Variants in LSAMP observed in about 807,000 individuals in gnomAD.
LSAMP encodes the protein limbic system associated membrane protein, also known as limbic system-associated membrane protein.
In LSAMP, 7 loss-of-function variants were observed where a neutral mutation model predicts 38.6. That is an observed-to-expected ratio of 0.18 (90% confidence interval 0.10 to 0.34). The LOEUF (loss-of-function observed/expected upper bound fraction) is 0.34. Ranked by LOEUF, LSAMP falls within the 10% of genes least tolerant of loss-of-function variation. The pLI is 1.00. For synonymous variants in LSAMP, 154 were observed against 166.8 expected (o/e 0.92, Z 0.59); for missense variants, 313 against 420.0 (o/e 0.75, Z 2.23).
At chr3:116,208,943 C>T (rs556162906) in intron 1 of LSAMP, among the ~76,000 whole-genome samples, 55 of 152,310 alleles carry the variant, frequency 3.6e-4, no homozygotes, top group African/African-American at 1.1e-3. Flanking sequence ...TGGAGCTTCC[C>T]GGCTGCTTTG....
chr3:116,066,137 C>T (rs1163407590), intron 2 of LSAMP, among the ~76,000 whole-genome samples: 1 of 152,152 alleles, frequency 6.6e-6, no homozygotes, highest in Non-Finnish European at 1.5e-5. Context: ...TGAGGACCCA[C>T]TTCCTGGTTC....
chr3:116,335,641 T>C (rs1296812998), intron 1 of LSAMP, among the ~76,000 whole-genome samples: 1 of 152,064 alleles, frequency 6.6e-6, no homozygotes, highest in Non-Finnish European at 1.5e-5. Flanking sequence ...CTGATAAATC[T>C]ATCATACGTG....
At chr3:116,061,918 A>G (rs1050137828) in intron 2 of LSAMP, among the ~76,000 whole-genome samples, 1 of 152,138 alleles carries the variant, frequency 6.6e-6, no homozygotes, top group Admixed American at 6.5e-5. Context: ...TCCATAATCT[A>G]TTTTATTTGT....
chr3:116,126,671 G>A (rs749073452), intron 1 of LSAMP, among the ~76,000 whole-genome samples: 2 of 152,134 alleles, frequency 1.3e-5, no homozygotes, highest in Non-Finnish European at 2.9e-5. Flanking sequence ...AGACCAGTCT[G>A]GCCAACATGG....
chr3:116,043,121 A>G (rs1414534487), intron 2 of LSAMP, among the ~76,000 whole-genome samples: 1 of 152,160 alleles, frequency 6.6e-6, no homozygotes. Flanking sequence ...TTTGGATGGA[A>G]TTTACATTCT....
At chr3:116,351,090 A>C (rs956387250) in intron 1 of LSAMP, among the ~76,000 whole-genome samples, 8 of 151,466 alleles carry the variant, frequency 5.3e-5, no homozygotes, top group Non-Finnish European at 1.0e-4. Context: ...TTTTTTTTTC[A>C]GCCCTGAAAG....
intron 4 of LSAMP, among the ~76,000 whole-genome samples, chr3:115,844,778 A>T (rs1184408635): frequency 6.6e-6 from 1 of 152,138 alleles, no homozygotes; most frequent in Non-Finnish European, 1.5e-5. Context: ...GGAGTTTGAG[A>T]CCAGCCTGGC....
intron 3 of LSAMP, among the ~76,000 whole-genome samples, chr3:115,903,419 C>G (rs1936928679): frequency 6.6e-6 from 1 of 152,038 alleles, no homozygotes; most frequent in Non-Finnish European, 1.5e-5. Context: ...ATGAAGTAAT[C>G]TGTACAACAA....
intron 3 of LSAMP, among the ~76,000 whole-genome samples, chr3:115,938,582 T>G (rs1937790224): frequency 6.6e-6 from 1 of 152,300 alleles, no homozygotes; most frequent in African/African-American, 2.4e-5. Context: ...CACTCCGTCT[T>G]TGGTAGAATT....
chr3:116,051,539 C>A (rs1419840603), intron 2 of LSAMP, among the ~76,000 whole-genome samples: 3 of 152,166 alleles, frequency 2.0e-5, no homozygotes, highest in African/African-American at 4.8e-5. Flanking sequence ...CCAGCTCCAA[C>A]AACCCTTACT....
chr3:115,937,942 T>C (rs893133532), intron 3 of LSAMP, among the ~76,000 whole-genome samples: 3 of 152,166 alleles, frequency 2.0e-5, no homozygotes, highest in East Asian at 1.9e-4. Context: ...TAATTTACTA[T>C]TGTGTGGACT....
At chr3:116,019,930 C>A (rs1465072141) in intron 2 of LSAMP, among the ~76,000 whole-genome samples, 1 of 151,918 alleles carries the variant, frequency 6.6e-6, no homozygotes, top group Non-Finnish European at 1.5e-5. Flanking sequence ...CTAGAATGGA[C>A]CTTATTTAGA....
intron 1 of LSAMP, among the ~76,000 whole-genome samples, chr3:116,423,455 A>G (rs893759914): frequency 2.0e-5 from 3 of 152,192 alleles, no homozygotes; most frequent in South Asian, 2.1e-4. Context: ...ACACTGAGGA[A>G]AGCAATGTTA....
intron 3 of LSAMP, among the ~76,000 whole-genome samples, chr3:115,953,277 TCA>T (rs1023421412): frequency 2.2e-4 from 33 of 152,290 alleles, no homozygotes; most frequent in Admixed American, 1.3e-3. Flanking sequence ...AGGCAAATTC[TCA>T]TTTTGAGCCA....
intron 1 of LSAMP, among the ~76,000 whole-genome samples, chr3:116,281,492 G>A (rs1428868064): frequency 6.6e-6 from 1 of 152,196 alleles, no homozygotes; most frequent in African/African-American, 2.4e-5. Flanking sequence ...GCCAGATTCA[G>A]ACGTGGTAGT....
intron 2 of LSAMP, among the ~76,000 whole-genome samples, chr3:116,040,897 A>G (rs901070377): frequency 6.6e-6 from 1 of 151,888 alleles, no homozygotes; most frequent in Non-Finnish European, 1.5e-5. Flanking sequence ...ATGCCTGGCT[A>G]ATTTGTTTTC....
chr3:116,263,695 G>A (rs1385714744), intron 1 of LSAMP, among the ~76,000 whole-genome samples: 1 of 151,466 alleles, frequency 6.6e-6, no homozygotes, highest in African/African-American at 2.4e-5. Flanking sequence ...ATGTTTTTAA[G>A]TACTGATCTA....
chr3:116,207,269 C>A (rs1480167355), intron 1 of LSAMP, among the ~76,000 whole-genome samples: 1 of 152,120 alleles, frequency 6.6e-6, no homozygotes, highest in African/African-American at 2.4e-5. Flanking sequence ...AGATCTTCCT[C>A]CATCCTTTTA....
At chr3:116,376,952 A>G (rs2048501625) in intron 1 of LSAMP, among the ~76,000 whole-genome samples, 1 of 152,116 alleles carries the variant, frequency 6.6e-6, no homozygotes, top group Non-Finnish European at 1.5e-5. Flanking sequence ...GACAATTTCA[A>G]TTAGTTTTTA....
Sources: allele counts gnomAD v4.1 joint callset (sites outside exome capture counted in the v4.1 genomes callset), GRCh38; gene constraint gnomAD v4.1.1; transcripts MANE v1.5; gene names NCBI Gene and HGNC (gene_info 2026-07-23, HGNC 2026-07-21).